The following KANSL1L variants were observed in gnomAD, a reference collection of about 807,000 sequenced individuals.
KANSL1L encodes the protein KAT8 regulatory NSL complex subunit 1-like protein.
In KANSL1L, 25 loss-of-function variants were observed where a neutral mutation model predicts 108.6. That is an observed-to-expected ratio of 0.23 (90% CI 0.17 to 0.32). The LOEUF (loss-of-function observed/expected upper bound fraction) is 0.32. KANSL1L is among the 10% of genes least tolerant of loss of function. The pLI is 1.00. For synonymous variants in KANSL1L, 405 were observed against 395.1 expected (o/e 1.03, Z -0.30); for missense variants, 1,137 against 1,125.7 (o/e 1.01, Z -0.14).
chr2:210,144,213 T>C (rs544762511), intron 2 of KANSL1L, among the ~76,000 whole-genome samples: 2 of 152,274 alleles, frequency 1.3e-5, no homozygotes, highest in East Asian at 3.9e-4. Context: ...AGGGTTCCCT[T>C]GTATGTGAAG....
intron 6 of KANSL1L, among the ~76,000 whole-genome samples, chr2:210,055,964 T>G (rs1036134885): frequency 6.6e-6 from 1 of 152,224 alleles, no homozygotes; most frequent in Admixed American, 6.5e-5. Flanking sequence ...TGTTTCCACC[T>G]CATGTCAGCA....
intron 3 of KANSL1L, among the ~76,000 whole-genome samples, chr2:210,111,648 A>G: frequency 6.6e-6 from 1 of 152,168 alleles, no homozygotes; most frequent in East Asian, 1.9e-4. Flanking sequence ...ACATAAAGAC[A>G]ATCCTTTGAT....
chr2:210,158,399 T>C (rs1173926858), intron 1 of KANSL1L, among the ~76,000 whole-genome samples: 2 of 152,168 alleles, frequency 1.3e-5, no homozygotes, highest in Non-Finnish European at 2.9e-5. Context: ...TTCCCAGTAA[T>C]GCCTTTAGAT....
intron 5 of KANSL1L, among the ~76,000 whole-genome samples, chr2:210,091,671 TG>T (rs1283149033): frequency 3.9e-5 from 6 of 152,210 alleles, no homozygotes; most frequent in Non-Finnish European, 8.8e-5. Context: ...TTCCTCCTTC[TG>T]ACCTCTATGT....
intron 11 of KANSL1L, chr2:210,028,600 TAAA>T: frequency 3.0e-6 from 1 of 334,438 alleles, no homozygotes; most frequent in Admixed American, 5.0e-5. Context: ...ATAATAATAA[TAAA>T]AAAGACTAAG....
Position 210,029,859 on chromosome 2 carries a change from T to G in KANSL1L, c.2215A>C (p.Asn739His). The change falls in exon 10 of 15, where the codon AAT becomes CAT. Residue 739 changes from asparagine (N) to histidine (H), a missense_variant. Physicochemically the swap from Asn to His is moderately conservative, Grantham distance 68 (BLOSUM62 1). Coordinates refer to ENST00000281772, the MANE Select transcript of KANSL1L (RefSeq NM_152519.4). ...TTGACATTGGAAACAGCAGTAAAAT[T>G]GCTATGGGATCCTGATTCTGTGTGT... ...FQHTESGSHS[N>H]FTAVSNVNVL... The G allele has an allele frequency of 6.2e-7, 1 of 1,608,096 alleles. No homozygotes were observed. Among genetic ancestry groups the G allele is most frequent in the Non-Finnish European group, 8.5e-7 (1 of 1,176,430 alleles).
intron 5 of KANSL1L, among the ~76,000 whole-genome samples, chr2:210,092,125 A>AT (rs1327342593): frequency 1.3e-5 from 2 of 152,020 alleles, no homozygotes; most frequent in African/African-American, 4.8e-5. Context: ...CACATTTCCT[A>AT]TATGTCCAGA....
chr2:210,085,930 T>C (rs1162531563), intron 5 of KANSL1L, among the ~76,000 whole-genome samples: 2 of 149,898 alleles, frequency 1.3e-5, no homozygotes, highest in African/African-American at 4.9e-5. Flanking sequence ...TTATTAATAA[T>C]TATTATATAT....
At chr2:210,057,114 C>G (rs2094359936) in intron 6 of KANSL1L, among the ~76,000 whole-genome samples, 1 of 152,120 alleles carries the variant, frequency 6.6e-6, no homozygotes, top group Non-Finnish European at 1.5e-5. Flanking sequence ...TGTTTAAGAT[C>G]TGGTGGGCTG....
chr2:210,159,641 G>C (rs538868652), intron 1 of KANSL1L, among the ~76,000 whole-genome samples: 2 of 152,290 alleles, frequency 1.3e-5, no homozygotes, highest in South Asian at 4.1e-4. Flanking sequence ...GTACTCACAA[G>C]TAGTAACAAC....
chr2:210,149,593 CTT>C (rs939685450), intron 2 of KANSL1L, among the ~76,000 whole-genome samples: 1 of 151,790 alleles, frequency 6.6e-6, no homozygotes, highest in African/African-American at 2.4e-5. Context: ...CAAAAATAAA[CTT>C]AAAATAAACT....
At chr2:210,111,938 G>A (rs977965263) in intron 3 of KANSL1L, among the ~76,000 whole-genome samples, 1 of 143,754 alleles carries the variant, frequency 7.0e-6, no homozygotes, top group African/African-American at 2.6e-5. Context: ...CTGTGTTCAT[G>A]TGTTCTCATT....
intron 5 of KANSL1L, among the ~76,000 whole-genome samples, chr2:210,077,142 TAAATA>T (rs1308557628): frequency 2.0e-5 from 3 of 152,132 alleles, no homozygotes; most frequent in Non-Finnish European, 4.4e-5. Context: ...TTGGTAAAAC[TAAATA>T]AAATAATTAA....
intron 1 of KANSL1L, among the ~76,000 whole-genome samples, chr2:210,169,909 G>A (rs936830167): frequency 5.9e-5 from 9 of 152,122 alleles, no homozygotes; most frequent in African/African-American, 2.2e-4. Context: ...GTAGAGATTA[G>A]GAATCACTTT....
At chr2:210,140,713 A>G (rs1210294663) in intron 2 of KANSL1L, among the ~76,000 whole-genome samples, 1 of 152,178 alleles carries the variant, frequency 6.6e-6, no homozygotes, top group Non-Finnish European at 1.5e-5. Context: ...TTTGATAACA[A>G]TGATATGGAA....
intron 3 of KANSL1L, among the ~76,000 whole-genome samples, chr2:210,114,743 A>T (rs2094938544): frequency 6.6e-6 from 1 of 152,126 alleles, no homozygotes; most frequent in Admixed American, 6.5e-5. Flanking sequence ...TTATTAATGT[A>T]TGCTTTGGGA....
At chr2:210,122,953 G>T (rs1248881125) in intron 3 of KANSL1L, among the ~76,000 whole-genome samples, 1 of 151,998 alleles carries the variant, frequency 6.6e-6, no homozygotes, top group African/African-American at 2.4e-5. Context: ...GCTCAACATT[G>T]TTTATCATCA....
intron 3 of KANSL1L, among the ~76,000 whole-genome samples, chr2:210,113,099 G>C (rs1040525470): frequency 6.6e-6 from 1 of 152,098 alleles, no homozygotes; most frequent in African/African-American, 2.4e-5. Context: ...TTTGATCACA[G>C]AGGTACAGAC....
chr2:210,072,468 C>A (rs1297533946), intron 6 of KANSL1L, among the ~76,000 whole-genome samples: 2 of 152,202 alleles, frequency 1.3e-5, no homozygotes, highest in Non-Finnish European at 2.9e-5. Context: ...CAGTCCCCAA[C>A]TTTTTTGGCA....
Sources: gnomAD v4.1 joint callset for allele counts (sites outside exome capture counted in the v4.1 genomes callset) on GRCh38, gnomAD v4.1.1 for gene constraint, MANE v1.5 for transcripts, NCBI Gene and HGNC (gene_info 2026-07-23, HGNC 2026-07-21) for gene names.